The following CDC14B variants were observed in gnomAD, a reference collection of about 807,000 sequenced individuals.
CDC14B encodes the protein dual specificity protein phosphatase CDC14B.
CDC14B carries 22 observed loss-of-function variants against 64.2 expected under a neutral mutation model. The observed-to-expected ratio is 0.34, with a 90% CI of 0.24 to 0.49. The LOEUF (loss-of-function observed/expected upper bound fraction) is 0.49, where lower values mean the gene tolerates loss of function less well. CDC14B is among the 20% of genes least tolerant of loss of function. The probability of loss-of-function intolerance (pLI) is 0.99; values close to 1 mark genes in which losing one functional copy is unlikely to be tolerated. For synonymous variants in CDC14B, 191 were observed against 215.8 expected (o/e 0.89, Z 1.01); for missense variants, 498 against 629.9 (o/e 0.79, Z 2.24).
intron 9 of CDC14B, among the ~76,000 whole-genome samples, chr9:96,530,812 C>T (rs1010765382): frequency 1.3e-5 from 2 of 152,206 alleles, no homozygotes; most frequent in East Asian, 3.9e-4. Flanking sequence ...TTTTCACATA[C>T]GGTTCTTATG....
At chr9:96,516,527 C>T (rs1276205985) in intron 12 of CDC14B, among the ~76,000 whole-genome samples, 6 of 152,040 alleles carry the variant, frequency 3.9e-5, no homozygotes, top group South Asian at 2.1e-4. Context: ...TCACCCAGCC[C>T]GGAGTGCAAT....
intron 5 of CDC14B, among the ~76,000 whole-genome samples, chr9:96,542,526 C>T (rs1487423950): frequency 2.0e-5 from 3 of 152,084 alleles, no homozygotes; most frequent in Non-Finnish European, 4.4e-5. Flanking sequence ...GAGATAACGT[C>T]TTGCCCTGTT....
intron 3 of CDC14B, 122 bp from the exon 4 acceptor site, chr9:96,562,907 A>C: frequency 1.5e-6 from 1 of 687,588 alleles, no homozygotes; most frequent in South Asian, 1.8e-5. Flanking sequence ...AAGACCTTTG[A>C]AAAGATTAAC....
rs768845855 is a variant in CDC14B at position 96,509,677 on chromosome 9, T to G, written c.1456A>C (p.Lys486Gln). 2 of 1,585,918 alleles carry G rather than the reference T, an allele frequency of 1.3e-6. No homozygotes were observed. ...TRSASRKSSVKSLSISRTKTV... is the reference protein window; with the variant it reads ...TRSASRKSSVQSLSISRTKTV... Reference sequence around the variant, plus strand: ...AGAGTAGGATTCTTTTCTCACCTTTTAACACTGCTTTTCCTTGAAGCAGAT... The same window carrying G: ...AGAGTAGGATTCTTTTCTCACCTTTGAACACTGCTTTTCCTTGAAGCAGAT... The change falls in exon 13 of 14, where the codon AAA becomes CAA. Residue 486 changes from lysine (K) to glutamine (Q), a missense_variant. By Grantham distance (53) the Lys-to-Gln change is moderately conservative. Transcript: ENST00000375241.
chr9:96,521,209 C>T lies in CDC14B; in HGVS notation c.1343+1297G>A, dbSNP rs150425777. Among the ~76,000 whole-genome samples, 401 of 151,996 alleles carry T rather than the reference C, an allele frequency of 2.6e-3. 2 individuals carry two copies. The highest frequency in any genetic ancestry group is 8.7e-3 in the African/African-American group (359 of 41,482). On this transcript the variant is annotated intron_variant, in intron 12 of 13. Coordinates refer to ENST00000375241, the MANE Select transcript of CDC14B (RefSeq NM_033331.4). ...CTCACCCTCCCGAGTAGCTGGGATC[C>T]TATAATGCCTACAGCTCCCACCATC... is the stretch of plus-strand genomic sequence containing the variant.
chr9:96,595,972 T>C (rs1846045039), intron 1 of CDC14B, among the ~76,000 whole-genome samples: 1 of 152,208 alleles, frequency 6.6e-6, no homozygotes, highest in Non-Finnish European at 1.5e-5. Flanking sequence ...TTGAATACTA[T>C]ATAAAATATA....
intron 6 of CDC14B, among the ~76,000 whole-genome samples, chr9:96,540,780 C>T (rs76771514): frequency 0.011 from 1,745 of 152,122 alleles, 29 homozygotes; most frequent in African/African-American, 0.039. Context: ...CACCTGTTGC[C>T]CTTTGGTCTC....
chr9:96,591,679 A>G (rs1037061067), intron 1 of CDC14B, among the ~76,000 whole-genome samples: 6 of 152,116 alleles, frequency 3.9e-5, no homozygotes, highest in Non-Finnish European at 5.9e-5. Flanking sequence ...GTAGTTATTA[A>G]CATTTTAACA....
chr9:96,572,430 C>G (rs1381975155), intron 1 of CDC14B, among the ~76,000 whole-genome samples: 1 of 152,012 alleles, frequency 6.6e-6, no homozygotes, highest in Non-Finnish European at 1.5e-5. Flanking sequence ...AATAGGAGGA[C>G]ACCCAACTGG....
At chr9:96,551,712 ATCT>A in intron 5 of CDC14B, 81 bp downstream of exon 5, 2 of 1,550,932 alleles carry the variant, frequency 1.3e-6, no homozygotes, top group Non-Finnish European at 1.7e-6. Flanking sequence ...TATTTACCAG[ATCT>A]TCTTTTTTCA....
chr9:96,566,781 G>C (rs771627507), intron 1 of CDC14B: 2 of 1,607,710 alleles, frequency 1.2e-6, no homozygotes, highest in Middle Eastern at 1.7e-4. Flanking sequence ...TGATCACCTC[G>C]GCTACCAAAG....
chr9:96,547,633 C>T (rs893586751), intron 5 of CDC14B, among the ~76,000 whole-genome samples: 7 of 151,776 alleles, frequency 4.6e-5, no homozygotes, highest in Non-Finnish European at 7.4e-5. Context: ...TTTTTTTCCC[C>T]AAAGAGAAAT....
chr9:96,533,401 G>C (rs186878921), intron 9 of CDC14B, among the ~76,000 whole-genome samples: 30 of 152,326 alleles, frequency 2.0e-4, no homozygotes, highest in Admixed American at 4.6e-4. Flanking sequence ...TAACTCTGGA[G>C]ATCAGTCTCC....
At chr9:96,496,505 G>A, downstream of CDC14B, 1 of 395,070 alleles carries the variant, frequency 2.5e-6, no homozygotes, top group Non-Finnish European at 5.1e-6. Context: ...TTGGGTTGGG[G>A]CCCAGAACGG....
chr9:96,556,794 A>G (rs997946105), intron 4 of CDC14B, among the ~76,000 whole-genome samples: 7 of 152,248 alleles, frequency 4.6e-5, no homozygotes, highest in Middle Eastern at 3.4e-3. Context: ...CCTAAATTTT[A>G]ACCACAGAGG....
chr9:96,494,918 T>C (rs1833186642), intron 13 of CDC14B, among the ~76,000 whole-genome samples: 1 of 149,778 alleles, frequency 6.7e-6, no homozygotes, highest in African/African-American at 2.5e-5. Flanking sequence ...CACTGCAAGC[T>C]CTGTCTCCCG....
chr9:96,565,882 A>G (rs778554212), intron 1 of CDC14B, among the ~76,000 whole-genome samples: 10 of 152,242 alleles, frequency 6.6e-5, no homozygotes, highest in Non-Finnish European at 1.3e-4. Context: ...CTAAAAAGTC[A>G]TTTCAGTAAG....
intron 9 of CDC14B, among the ~76,000 whole-genome samples, chr9:96,530,704 T>C (rs557012492): frequency 6.6e-6 from 1 of 152,204 alleles, no homozygotes; most frequent in African/African-American, 2.4e-5. Context: ...ATTACCATGT[T>C]AAATAGAAGC....
At chr9:96,617,110 T>C (rs1847679725) in intron 1 of CDC14B, among the ~76,000 whole-genome samples, 1 of 21,442 alleles carries the variant, frequency 4.7e-5, no homozygotes, top group East Asian at 0.056. Context: ...CTGATAGGAT[T>C]TTTTTTTTTT....
Sources: gnomAD v4.1 joint callset for allele counts (sites outside exome capture counted in the v4.1 genomes callset) on GRCh38, gnomAD v4.1.1 for gene constraint, MANE v1.5 for transcripts, NCBI Gene and HGNC (gene_info 2026-07-23, HGNC 2026-07-21) for gene names.